The following PTPRN2 variants were observed in gnomAD, a reference collection of about 807,000 sequenced individuals.
PTPRN2 encodes the protein protein tyrosine phosphatase receptor type N2.
In PTPRN2, 74 loss-of-function variants were observed where a neutral mutation model predicts 118.8. That is an observed-to-expected ratio of 0.62 (90% CI 0.52 to 0.76). The LOEUF is 0.76. PTPRN2 is among the 30% of genes least tolerant of loss of function. The pLI is 0.00. For synonymous variants in PTPRN2, 641 were observed against 608.0 expected, an observed-to-expected ratio of 1.05 and a Z score of -0.80; for missense variants, 1,481 against 1,394.4, an observed-to-expected ratio of 1.06 and a Z score of -0.99.
chr7:157,897,600 C>A (rs1465059412), intron 12 of PTPRN2, among the ~76,000 whole-genome samples: 2 of 152,246 alleles, frequency 1.3e-5, no homozygotes, highest in Non-Finnish European at 2.9e-5. Flanking sequence ...CCACACCCTG[C>A]CCGTCATTTA....
At chr7:158,505,416 C>A (rs982374905) in intron 1 of PTPRN2, among the ~76,000 whole-genome samples, 2 of 152,118 alleles carry the variant, frequency 1.3e-5, no homozygotes, top group African/African-American at 4.8e-5. Flanking sequence ...GGTTCCCAGG[C>A]CATTCCTTCT....
At chr7:158,344,407 T>G (rs928863662) in intron 2 of PTPRN2, among the ~76,000 whole-genome samples, 1 of 152,152 alleles carries the variant, frequency 6.6e-6, no homozygotes, top group Non-Finnish European at 1.5e-5. Flanking sequence ...AGTTTAGGCC[T>G]CCAGAAGAGG....
intron 10 of PTPRN2, among the ~76,000 whole-genome samples, chr7:158,102,581 T>C (rs1815317686): frequency 6.6e-6 from 1 of 152,034 alleles, no homozygotes; most frequent in Non-Finnish European, 1.5e-5. Flanking sequence ...CAGCAACAGG[T>C]GAGTTTCCCA....
intron 11 of PTPRN2, among the ~76,000 whole-genome samples, chr7:158,024,213 G>A (rs964213308): frequency 1.3e-5 from 2 of 152,172 alleles, no homozygotes; most frequent in South Asian, 2.1e-4. Context: ...AGAGCGGTGA[G>A]GTTCCGAGTC....
At chr7:158,380,967 A>T (rs1340372011) in intron 2 of PTPRN2, among the ~76,000 whole-genome samples, 1 of 152,256 alleles carries the variant, frequency 6.6e-6, no homozygotes, top group Non-Finnish European at 1.5e-5. Flanking sequence ...GACTCATTTC[A>T]GCCACAACTG....
intron 11 of PTPRN2, among the ~76,000 whole-genome samples, chr7:157,966,592 CACT>C (rs1206502345): frequency 3.3e-5 from 5 of 151,900 alleles, no homozygotes; most frequent in Admixed American, 1.3e-4. Context: ...TCATTACCAT[CACT>C]ACTATCACCA....
intron 13 of PTPRN2, among the ~76,000 whole-genome samples, chr7:157,667,335 G>A (rs1230261971): frequency 3.0e-5 from 4 of 131,298 alleles, no homozygotes; most frequent in East Asian, 5.2e-4. Flanking sequence ...TTGCACACTC[G>A]GCCCGTGGGA....
chr7:157,580,828 C>A (rs1445803352), intron 17 of PTPRN2, among the ~76,000 whole-genome samples: 2 of 125,438 alleles, frequency 1.6e-5, no homozygotes. Flanking sequence ...ACCTGCACAC[C>A]CCAGCACCTG....
At chr7:158,557,742 G>A (rs1006940458) in intron 1 of PTPRN2, among the ~76,000 whole-genome samples, 5 of 152,154 alleles carry the variant, frequency 3.3e-5, no homozygotes, top group Non-Finnish European at 4.4e-5. Context: ...AGAAAACAGC[G>A]TTTCCAGAGC....
intron 11 of PTPRN2, among the ~76,000 whole-genome samples, chr7:157,967,521 G>A (rs1327127477): frequency 2.0e-5 from 3 of 152,154 alleles, no homozygotes; most frequent in Non-Finnish European, 4.4e-5. Context: ...TCTTCTGTTT[G>A]TTGGACCGTA....
intron 13 of PTPRN2, among the ~76,000 whole-genome samples, chr7:157,682,252 C>T (rs2150807974): frequency 6.6e-6 from 1 of 152,206 alleles, no homozygotes; most frequent in South Asian, 2.1e-4. Flanking sequence ...TTCCCCTGGT[C>T]AGCGTTAGGC....
chr7:157,576,689 C>T lies in PTPRN2; in HGVS notation c.2707G>A (p.Val903Met), dbSNP rs766283134. The T allele has an allele frequency of 4.3e-6, 7 of 1,611,602 alleles. No homozygotes were observed. Among genetic ancestry groups the T allele is most frequent in the Non-Finnish European group, 5.9e-6 (7 of 1,178,758 alleles). The change falls in exon 19 of 23, where the codon GTG becomes ATG. Residue 903 changes from valine (V) to methionine (M), a missense_variant. Coordinates refer to ENST00000389418, the MANE Select transcript of PTPRN2 (RefSeq NM_002847.5). ...KNLQTNETRT[V>M]TQFHFLSWYD... The stretch of plus-strand genomic sequence containing the variant: ...CAACTCAGGAAGTGGAACTGCGTCA[C>T]GGTGCGCGTCTCGTTGGTCTGCAGG...
At chr7:158,583,390 T>A (rs1233456704) in intron 1 of PTPRN2, among the ~76,000 whole-genome samples, 2 of 151,846 alleles carry the variant, frequency 1.3e-5, no homozygotes, top group African/African-American at 4.8e-5. Flanking sequence ...ACACAGAGAT[T>A]CCCGCTGTGC....
In PTPRN2 at chr7:158,544,174, C is replaced by T. The variant is rs895178958; in HGVS notation, c.112+43384G>A. Among the ~76,000 whole-genome samples, 13 of 152,124 alleles carry T rather than the reference C, an allele frequency of 8.5e-5. No homozygotes were observed. Among genetic ancestry groups the T allele is most frequent in the Non-Finnish European group, 1.6e-4 (11 of 68,020 alleles). On this transcript the variant is annotated intron_variant, in intron 1 of 22. Transcript: ENST00000389418. The surrounding 1 kb of genome is among the most constrained non-coding windows in gnomAD (Gnocchi z 4.2). The stretch of plus-strand genomic sequence containing the variant: ...GTCCACACTCTGCCCGCATGATCTG[C>T]CTCTCCCCAAAACAGACTATCATTA...
chr7:157,968,310 G>A (rs1226988935), intron 11 of PTPRN2, among the ~76,000 whole-genome samples: 1 of 152,092 alleles, frequency 6.6e-6, no homozygotes, highest in Admixed American at 6.6e-5. Flanking sequence ...TCAGAATGGT[G>A]TCCATTCCAC....
intron 2 of PTPRN2, among the ~76,000 whole-genome samples, chr7:158,489,174 G>A (rs1259216705): frequency 3.3e-5 from 5 of 152,242 alleles, no homozygotes; most frequent in African/African-American, 9.6e-5. Flanking sequence ...GGCCGGGCGC[G>A]GTGACTCACG....
chr7:157,926,375 G>A (rs1798996486), intron 11 of PTPRN2, among the ~76,000 whole-genome samples: 1 of 152,258 alleles, frequency 6.6e-6, no homozygotes, highest in African/African-American at 2.4e-5. Flanking sequence ...ACAGGAAGCT[G>A]AGGATGAAAA....
rs1682361709 is a variant in PTPRN2 at position 157,944,708 on chromosome 7, C to T, written c.1724-45971G>A. ...TTGTTTTTAGTCACCAGGCCAGTGACCACTGTCCAGCAGGTCCACGTGCAT... is the reference window on the plus strand; with the variant it reads ...TTGTTTTTAGTCACCAGGCCAGTGATCACTGTCCAGCAGGTCCACGTGCAT... On this transcript the variant is annotated intron_variant, in intron 11 of 22. Coordinates refer to ENST00000389418, the MANE Select transcript of PTPRN2 (RefSeq NM_002847.5). The surrounding 1 kb of genome is among the most constrained non-coding windows in gnomAD (Gnocchi z 4.3). Among the ~76,000 whole-genome samples the T allele has an allele frequency of 6.6e-6, 1 of 152,198 alleles. No individual in the cohort carries two copies. Among genetic ancestry groups the T allele is most frequent in the Admixed American group, 6.5e-5 (1 of 15,284 alleles).
intron 11 of PTPRN2, among the ~76,000 whole-genome samples, chr7:157,913,226 T>TTAAAGA: frequency 6.6e-6 from 1 of 152,232 alleles, no homozygotes; most frequent in Non-Finnish European, 1.5e-5. Context: ...CTTTTTTTCC[T>TTAAAGA]AAATATACAA....
Sources: gnomAD v4.1 joint callset for allele counts (sites outside exome capture counted in the v4.1 genomes callset) on GRCh38, gnomAD v4.1.1 for gene constraint, Gnocchi (gnomAD v3.1) non-coding constraint, MANE v1.5 for transcripts, NCBI Gene and HGNC (gene_info 2026-07-23, HGNC 2026-07-21) for gene names.